VWA8: variants seen among roughly 807,000 people sequenced by gnomAD.
VWA8 encodes von Willebrand factor A domain containing 8.
Under a neutral mutation model 241.5 loss-of-function variants are expected in VWA8, and 221 were observed. The ratio of observed to expected loss-of-function variants is 0.91; its 90% confidence interval spans 0.82 to 1.02. The LOEUF (loss-of-function observed/expected upper bound fraction) is 1.02, where lower values mean the gene tolerates loss of function less well. Among genes scored for constraint, VWA8 ranks in the 50% least tolerant of loss-of-function variants. VWA8 has a pLI of 0.00. For synonymous variants in VWA8, 852 were observed against 827.1 expected (o/e 1.03, Z -0.52); for missense variants, 2,322 against 2,328.7 (o/e 1.00, Z 0.06).
chr13:41,609,004 T>C (rs1414396063), intron 39 of VWA8, among the ~76,000 whole-genome samples: 1 of 152,176 alleles, frequency 6.6e-6, no homozygotes, highest in Non-Finnish European at 1.5e-5. Context: ...TTTCAGCCAG[T>C]CTCTGAATTA....
intron 40 of VWA8, among the ~76,000 whole-genome samples, chr13:41,597,719 A>T (rs1451611921): frequency 1.3e-5 from 2 of 152,110 alleles, no homozygotes; most frequent in African/African-American, 4.8e-5. Flanking sequence ...CATAACAGGC[A>T]TCTTATACTT....
chr13:41,940,734 A>T (rs1877559395), intron 2 of VWA8, among the ~76,000 whole-genome samples: 1 of 152,098 alleles, frequency 6.6e-6, no homozygotes, highest in Admixed American at 6.5e-5. Context: ...AAGTTCATCA[A>T]CTCCTTAGCC....
chr13:41,611,540 C>T, intron 39 of VWA8, 36 bp downstream of exon 39: 1 of 1,609,302 alleles, frequency 6.2e-7, no homozygotes, highest in Non-Finnish European at 8.5e-7. Flanking sequence ...TTCACCATAG[C>T]AGTAGTGCTG....
At chr13:41,840,865 T>A (rs1871968256) in intron 12 of VWA8, among the ~76,000 whole-genome samples, 1 of 151,936 alleles carries the variant, frequency 6.6e-6, no homozygotes, top group Non-Finnish European at 1.5e-5. Flanking sequence ...GTTTCATGGG[T>A]CAGGTCATCC....
intron 35 of VWA8, among the ~76,000 whole-genome samples, chr13:41,679,237 T>C (rs1264220271): frequency 1.3e-5 from 2 of 152,184 alleles, no homozygotes. Flanking sequence ...CTCCCATGAA[T>C]AGTGGGGACA....
At position 41,614,039 on chromosome 13, in the gene VWA8, G is replaced by A. The variant is rs187240612; in HGVS notation, c.4720+937C>T. On this transcript the variant is annotated intron_variant, in intron 38 of 44. Coordinates refer to ENST00000379310, the MANE Select transcript of VWA8 (RefSeq NM_015058.2). ...CTGGGAAACCACATCTGGCCAGCTC[G>A]TCCCACAATGCATTCCATATGGATT... is the stretch of plus-strand genomic sequence containing the variant. Among the ~76,000 whole-genome samples, 142 of 152,276 alleles carry A rather than the reference G, an allele frequency of 9.3e-4. 2 individuals are homozygous for A. The highest frequency in any genetic ancestry group is 8.3e-3 in the Admixed American group (127 of 15,302).
chr13:41,889,371 G>A (rs139371608), intron 5 of VWA8, among the ~76,000 whole-genome samples: 273 of 150,622 alleles, frequency 1.8e-3, no homozygotes, highest in African/African-American at 6.0e-3. Flanking sequence ...CATTCTTTGC[G>A]TACTAAGCCT....
At chr13:41,846,760 G>A (rs1250273969) in intron 12 of VWA8, among the ~76,000 whole-genome samples, 2 of 152,182 alleles carry the variant, frequency 1.3e-5, no homozygotes, top group Admixed American at 1.3e-4. Context: ...TTTCAGGCTA[G>A]GCACGGTGGC....
rs1439350665 is a variant in VWA8 at position 41,615,399 on chromosome 13, T to C, written c.4612-315A>G. ...TACACATGGCATGAGACTTACCAGA[T>C]GCAGGGAAAATGGATCTCACTGGAG... On this transcript the variant is annotated intron_variant, in intron 37 of 44. Transcript: ENST00000379310. 1.3e-5 allele frequency among the ~76,000 whole-genome samples: 2 copies of C among 152,182 alleles called. 1 individual carries two copies. Among genetic ancestry groups the C allele is most frequent in the Non-Finnish European group, 2.9e-5 (2 of 68,034 alleles).
chr13:41,727,993 T>C (rs1405004373), intron 23 of VWA8, among the ~76,000 whole-genome samples: 1 of 152,090 alleles, frequency 6.6e-6, no homozygotes, highest in Non-Finnish European at 1.5e-5. Flanking sequence ...GTCCAGAAAA[T>C]AATTTAAGAT....
intron 9 of VWA8, 112 bp from the exon 10 acceptor site, chr13:41,868,589 A>G: frequency 7.6e-7 from 1 of 1,321,862 alleles, no homozygotes; most frequent in South Asian, 1.5e-5. Context: ...ATTATTATAT[A>G]AAAGTAGAGG....
At chr13:41,862,166 T>C (rs181552902) in intron 12 of VWA8, among the ~76,000 whole-genome samples, 7 of 152,174 alleles carry the variant, frequency 4.6e-5, no homozygotes, top group Admixed American at 1.3e-4. Context: ...ACCAGATCTT[T>C]GACAGAGTCA....
At chr13:41,617,013 C>T (rs1227332650) in intron 37 of VWA8, among the ~76,000 whole-genome samples, 1 of 152,062 alleles carries the variant, frequency 6.6e-6, no homozygotes, top group Non-Finnish European at 1.5e-5. Context: ...CCTGCAATCC[C>T]AGCACTGCGA....
intron 14 of VWA8, among the ~76,000 whole-genome samples, chr13:41,829,655 G>A (rs1310654870): frequency 6.6e-6 from 1 of 152,046 alleles, no homozygotes; most frequent in African/African-American, 2.4e-5. Context: ...GGAGCTGGAG[G>A]CCATTATTCT....
chr13:41,782,761 T>G (rs1220830754), intron 19 of VWA8, among the ~76,000 whole-genome samples: 1 of 151,926 alleles, frequency 6.6e-6, no homozygotes, highest in Non-Finnish European at 1.5e-5. Context: ...TAAGTAGTTG[T>G]TTTACTATAA....
At chr13:41,881,217 G>A (rs1874155344) in intron 9 of VWA8, among the ~76,000 whole-genome samples, 1 of 151,888 alleles carries the variant, frequency 6.6e-6, no homozygotes, top group Non-Finnish European at 1.5e-5. Flanking sequence ...GACATCATTT[G>A]TTGAATATTT....
intron 37 of VWA8, among the ~76,000 whole-genome samples, chr13:41,648,630 A>T (rs1401116838): frequency 2.0e-5 from 3 of 152,200 alleles, no homozygotes; most frequent in Admixed American, 2.0e-4. Context: ...GCTACTTTTG[A>T]CGGGGCCGTA....
intron 26 of VWA8, among the ~76,000 whole-genome samples, chr13:41,718,710 T>C (rs1242378170): frequency 1.3e-5 from 2 of 151,488 alleles, no homozygotes; most frequent in Non-Finnish European, 3.0e-5. Context: ...TATATATATA[T>C]ATATGCAACT....
At chr13:41,869,439 G>C (rs1379633593) in intron 9 of VWA8, among the ~76,000 whole-genome samples, 2 of 151,802 alleles carry the variant, frequency 1.3e-5, no homozygotes, top group African/African-American at 2.4e-5. Context: ...TTCGACACGA[G>C]CCTGGCCAAC....
Sources: gnomAD v4.1 joint callset for allele counts (sites outside exome capture counted in the v4.1 genomes callset) on GRCh38, gnomAD v4.1.1 for gene constraint, MANE v1.5 for transcripts, NCBI Gene and HGNC (gene_info 2026-07-23, HGNC 2026-07-21) for gene names.